Variants in TRAF2 observed in about 807,000 individuals in gnomAD.
TRAF2 encodes the protein TNF receptor-associated factor 2.
In TRAF2, 6 loss-of-function variants were observed where a neutral mutation model predicts 55.6. The observed-to-expected ratio is 0.11, with a 90% CI of 0.06 to 0.21. The LOEUF (loss-of-function observed/expected upper bound fraction) is 0.21. TRAF2 is among the 10% of genes least tolerant of loss of function. The pLI is 1.00. For synonymous variants in TRAF2, 329 were observed against 276.3 expected (o/e 1.19, Z -1.89); for missense variants, 561 against 684.5 (o/e 0.82, Z 2.01).
In TRAF2 at chr9:136,925,703, C is replaced by T. The variant is rs1400510122; in HGVS notation, c.1308C>T (p.Asp436=). Residue 436 remains aspartate, a synonymous_variant, in exon 11 of 11, where the codon GAC becomes GAT. Coordinates refer to ENST00000247668, the MANE Select transcript of TRAF2 (RefSeq NM_021138.4). ...TCCAGGTGACCTTAATGCTGCTCGACCAGAATAACCGGGAGCACGTGATTG... is the reference window on the plus strand; with the variant it reads ...TCCAGGTGACCTTAATGCTGCTCGATCAGAATAACCGGGAGCACGTGATTG... ...FNQKVTLMLL[D]QNNREHVIDA... 3 of 1,614,144 alleles carry T rather than the reference C, an allele frequency of 1.9e-6. No individual in the cohort carries two copies. The highest frequency in any genetic ancestry group is 1.7e-6 in the Non-Finnish European group (2 of 1,180,040).
At chr9:136,904,400 T>C (rs1849897502) in intron 4 of TRAF2, among the ~76,000 whole-genome samples, 1 of 151,678 alleles carries the variant, frequency 6.6e-6, no homozygotes, top group Non-Finnish European at 1.5e-5. Context: ...ACAGTCTTTT[T>C]TATTTTTATT....
At chr9:136,916,513 A>G (rs1850245574) in intron 6 of TRAF2, 28 bp from the exon 7 acceptor site, 1 of 1,609,006 alleles carries the variant, frequency 6.2e-7, no homozygotes, top group African/African-American at 1.3e-5. Flanking sequence ...ACAGAGAAAG[A>G]TGGCTCTGTG....
Position 136,923,049 on chromosome 9 carries a change from T to C in TRAF2, c.1139-803T>C, listed in dbSNP as rs192980183. ...GACCTTTGCACACAGTGTTCTGTCA[T>C]GTGACTTGGAAAGCAGCCTCTGCCG... On this transcript the variant is annotated intron_variant, in intron 9 of 10. Transcript: ENST00000247668. Among the ~76,000 whole-genome samples the C allele has an allele frequency of 1.1e-4, 16 of 152,294 alleles. No homozygotes were observed. In the East Asian group the frequency reaches 2.5e-3, roughly 24 times the overall value.
At chr9:136,907,470 G>T (rs1849981900) in intron 4 of TRAF2, among the ~76,000 whole-genome samples, 1 of 152,262 alleles carries the variant, frequency 6.6e-6, no homozygotes, top group African/African-American at 2.4e-5. Flanking sequence ...CCTTTCAGAT[G>T]CGTGTGCTGT....
chr9:136,911,411 T>C (rs1250197116), intron 6 of TRAF2, among the ~76,000 whole-genome samples: 1 of 151,742 alleles, frequency 6.6e-6, no homozygotes, highest in Non-Finnish European at 1.5e-5. Context: ...ATTGCAGGTA[T>C]GCACCACCAC....
At chr9:136,903,789 C>T (rs1327864500) in intron 4 of TRAF2, among the ~76,000 whole-genome samples, 1 of 152,102 alleles carries the variant, frequency 6.6e-6, no homozygotes, top group Non-Finnish European at 1.5e-5. Context: ...TCACACCATT[C>T]TTCCTGCCTC....
At chr9:136,920,600 T>TA in intron 8 of TRAF2, 85 bp downstream of exon 8, 4 of 1,464,054 alleles carry the variant, frequency 2.7e-6, no homozygotes, top group Non-Finnish European at 9.1e-7. Flanking sequence ...TAGCAGGTCC[T>TA]GGAGCTTTAG....
chr9:136,900,348 G>A (rs546631025), intron 3 of TRAF2, 74 bp from the exon 4 acceptor site: 46 of 1,058,192 alleles, frequency 4.3e-5, no homozygotes, highest in African/African-American at 3.2e-4. Flanking sequence ...TGGTTTGGAC[G>A]TGTGGTCTGT....
chr9:136,899,026 A>G, intron 2 of TRAF2, 98 bp downstream of exon 2: 2 of 1,215,480 alleles, frequency 1.6e-6, no homozygotes, highest in Non-Finnish European at 2.3e-6. Flanking sequence ...AGCCGGGTCC[A>G]GCTTAGATGT....
chr9:136,904,687 C>T lies in TRAF2; in HGVS notation c.367-3383C>T, dbSNP rs17250316. Among the ~76,000 whole-genome samples, 60 of 152,086 alleles carry T rather than the reference C, an allele frequency of 3.9e-4. 1 individual carries two copies. The highest frequency in any genetic ancestry group is 1.4e-3 in the African/African-American group (60 of 41,466). On this transcript the variant is annotated intron_variant, in intron 4 of 10. Transcript: ENST00000247668. ...CTCCCAAAGTGCTGGGATTACAAGG[C>T]GTTAGCCACCGCGCCTGGCCTAAAG...
At chr9:136,912,465 T>C (rs1036501378) in intron 6 of TRAF2, among the ~76,000 whole-genome samples, 1 of 152,176 alleles carries the variant, frequency 6.6e-6, no homozygotes, top group African/African-American at 2.4e-5. Flanking sequence ...TGGCCTCTCT[T>C]ATCTTTTTTT....
intron 1 of TRAF2, among the ~76,000 whole-genome samples, chr9:136,894,146 A>G (rs1849635442): frequency 6.8e-6 from 1 of 147,958 alleles, no homozygotes; most frequent in Non-Finnish European, 1.5e-5. Context: ...TGCTGGGTTC[A>G]AGCAATTCTC....
In TRAF2 at chr9:136,926,144, T is replaced by C. The variant is rs1359738309; in HGVS notation, c.*243T>C. On this transcript the variant is annotated 3_prime_UTR_variant, in exon 11 of 11. Coordinates refer to ENST00000247668, the MANE Select transcript of TRAF2 (RefSeq NM_021138.4). ...TCTTAGCCAAGGGCTGTGGTGGCAT[T>C]GGCCGAGGGTCTTCGGGTGCTTCCC... 2 of 698,518 alleles carry C rather than the reference T, an allele frequency of 2.9e-6. No individual in the cohort carries two copies. Among genetic ancestry groups the C allele is most frequent in the East Asian group, 5.4e-5 (2 of 37,040 alleles). 43.3% of individuals were successfully genotyped at this position (698,518 alleles called of 1,614,324 possible).
At position 136,926,210 on chromosome 9, in the gene TRAF2, G is replaced by C. The variant is rs1470830191; in HGVS notation, c.*309G>C. ...TGCTGTCCTGTGCAGTGAAGGGAGA[G>C]GCCCTGGGTGGGGGACACTCAGAGT... On this transcript the variant is annotated 3_prime_UTR_variant, in exon 11 of 11. Coordinates refer to ENST00000247668, the MANE Select transcript of TRAF2 (RefSeq NM_021138.4). The C allele has an allele frequency of 2.0e-6, 1 of 495,190 alleles. No individual in the cohort carries two copies. Among genetic ancestry groups the C allele is most frequent in the African/African-American group, 1.9e-5 (1 of 52,100 alleles). The allele number at this position is 495,190 out of a possible 1,614,324, so 30.7% of individuals were successfully genotyped here. A position where few individuals can be genotyped will look rare whatever the true frequency, so the allele number is the denominator to read the frequency against.
chr9:136,903,689 TG>T (rs1485726902), intron 4 of TRAF2, among the ~76,000 whole-genome samples: 3 of 151,504 alleles, frequency 2.0e-5, no homozygotes, highest in African/African-American at 4.9e-5. Context: ...TTTGTTTGTT[TG>T]TTGTTTTTTG....
intron 9 of TRAF2, among the ~76,000 whole-genome samples, chr9:136,922,019 G>A (rs148903971): frequency 3.3e-5 from 5 of 152,342 alleles, no homozygotes; most frequent in Non-Finnish European, 7.3e-5. Context: ...TAGAATCTTA[G>A]GTTCTAGGAT....
At chr9:136,887,921 G>T (rs1849490531) in intron 1 of TRAF2, among the ~76,000 whole-genome samples, 1 of 152,082 alleles carries the variant, frequency 6.6e-6, no homozygotes, top group African/African-American at 2.4e-5. Context: ...CCAGGCTGGA[G>T]TGCAGTGGCT....
At chr9:136,919,691 A>T (rs7039752) in intron 7 of TRAF2, among the ~76,000 whole-genome samples, 12 of 37,350 alleles carry the variant, frequency 3.2e-4, no homozygotes, top group African/African-American at 6.7e-4. Context: ...TCTTCCCTTC[A>T]TCCCTTCATC....
intron 1 of TRAF2, 190 bp from the exon 2 acceptor site, chr9:136,898,523 C>T (rs1216254981): frequency 3.5e-5 from 33 of 940,132 alleles, no homozygotes; most frequent in East Asian, 2.3e-4. Flanking sequence ...TCCATACTAG[C>T]GGCGGGAGAT....
Sources: allele counts gnomAD v4.1 joint callset (sites outside exome capture counted in the v4.1 genomes callset), GRCh38; gene constraint gnomAD v4.1.1; transcripts MANE v1.5; gene names NCBI Gene and HGNC (gene_info 2026-07-23, HGNC 2026-07-21).